Variants in RIMS2 observed in about 807,000 individuals in gnomAD.
RIMS2 encodes regulating synaptic membrane exocytosis protein 2.
RIMS2 carries 59 observed loss-of-function variants against 174.4 expected under a neutral mutation model. The observed-to-expected ratio is 0.34, with a 90% confidence interval of 0.27 to 0.42. RIMS2 has a LOEUF of 0.42. Among genes scored for constraint, RIMS2 ranks in the 10% least tolerant of loss-of-function variants. RIMS2 has a pLI of 1.00. For synonymous variants in RIMS2, 606 were observed against 572.5 expected (o/e 1.06, Z -0.84); for missense variants, 1,620 against 1,666.3 (o/e 0.97, Z 0.48).
chr8:103,732,609 A>G (rs942325360), intron 2 of RIMS2, among the ~76,000 whole-genome samples: 6 of 152,094 alleles, frequency 3.9e-5, no homozygotes, highest in Non-Finnish European at 8.8e-5. Flanking sequence ...GGAACCCTTG[A>G]AATCTACCTG....
intron 1 of RIMS2, among the ~76,000 whole-genome samples, chr8:103,565,154 C>A (rs1309848353): frequency 1.3e-5 from 2 of 152,150 alleles, no homozygotes; most frequent in African/African-American, 2.4e-5. Flanking sequence ...CTACATAGCA[C>A]CTGTGCCCTG....
At chr8:104,163,272 A>G (rs1353746788) in intron 19 of RIMS2, among the ~76,000 whole-genome samples, 3 of 152,190 alleles carry the variant, frequency 2.0e-5, no homozygotes, top group African/African-American at 7.2e-5. Flanking sequence ...ATTCACTGCC[A>G]TATAAACTTT....
intron 3 of RIMS2, among the ~76,000 whole-genome samples, chr8:103,771,808 A>G (rs1454156688): frequency 6.6e-6 from 1 of 152,116 alleles, no homozygotes; most frequent in Non-Finnish European, 1.5e-5. Context: ...TTAATGCAGG[A>G]TTATCTCCAT....
At chr8:103,505,972 A>T (rs1264590513) in intron 1 of RIMS2, among the ~76,000 whole-genome samples, 7 of 152,044 alleles carry the variant, frequency 4.6e-5, no homozygotes, top group Non-Finnish European at 1.0e-4. Flanking sequence ...GTCACGATTT[A>T]AAAAAATTGA....
intron 1 of RIMS2, among the ~76,000 whole-genome samples, chr8:103,578,006 T>C (rs941309729): frequency 6.6e-6 from 1 of 152,124 alleles, no homozygotes; most frequent in Non-Finnish European, 1.5e-5. Flanking sequence ...AAATCTAAGA[T>C]TTATTGATGT....
At chr8:103,707,925 C>A (rs949048972) in intron 2 of RIMS2, among the ~76,000 whole-genome samples, 1 of 152,180 alleles carries the variant, frequency 6.6e-6, no homozygotes, top group Admixed American at 6.5e-5. Context: ...CAACTGGGAG[C>A]TTTGGGATCC....
chr8:103,502,274 T>A (rs969374421), intron 1 of RIMS2, among the ~76,000 whole-genome samples: 1 of 152,196 alleles, frequency 6.6e-6, no homozygotes, highest in Non-Finnish European at 1.5e-5. Context: ...TAGTAGTCTT[T>A]CATGTACTAA....
At chr8:103,671,560 C>T (rs545960385) in intron 1 of RIMS2, among the ~76,000 whole-genome samples, 2 of 152,268 alleles carry the variant, frequency 1.3e-5, no homozygotes, top group African/African-American at 4.8e-5. Flanking sequence ...ATGGTCCTTT[C>T]TACCCTTTCC....
intron 2 of RIMS2, among the ~76,000 whole-genome samples, chr8:103,759,564 CAAAAAAAAAAAAA>C (rs35946104): frequency 4.3e-5 from 3 of 70,020 alleles, no homozygotes; most frequent in Middle Eastern, 7.1e-3. Flanking sequence ...GACTCCGTCT[CAAAAAAAAAAAAA>C]AAAAAAAAAA....
At chr8:104,044,692 A>G (rs1467199560) in intron 19 of RIMS2, among the ~76,000 whole-genome samples, 1 of 151,748 alleles carries the variant, frequency 6.6e-6, no homozygotes, top group Admixed American at 6.6e-5. Flanking sequence ...AATGGTAGCT[A>G]TAGATCTATA....
At position 104,251,854 on chromosome 8, in the gene RIMS2, C is replaced by T. The variant is rs370269591; in HGVS notation, c.*34C>T. ...AAAAAATTGTTGTCACAGCAACCAG[C>T]GTTACAAAAAAAAAAAAAAAAATCA... On this transcript the variant is annotated 3_prime_UTR_variant, in exon 24 of 24. Coordinates refer to ENST00000504942, the Ensembl canonical transcript of RIMS2. 4.7e-5 allele frequency: 39 copies of T among 837,700 alleles called. 1 individual carries two copies. The African/African-American group carries it at 6.7e-4, about 14-fold the overall frequency. 51.9% of individuals were successfully genotyped at this position (837,700 alleles called of 1,614,324 possible). A position where few individuals can be genotyped will look rare whatever the true frequency, so the allele number is the denominator to read the frequency against.
chr8:104,021,865 G>A (rs979115232), intron 19 of RIMS2, among the ~76,000 whole-genome samples: 1 of 152,134 alleles, frequency 6.6e-6, no homozygotes, highest in Non-Finnish European at 1.5e-5. Context: ...AGAGATTAAG[G>A]CTTTTCAAAG....
At chr8:104,069,540 C>T (rs1290636799) in intron 19 of RIMS2, among the ~76,000 whole-genome samples, 1 of 135,512 alleles carries the variant, frequency 7.4e-6, no homozygotes, top group African/African-American at 2.8e-5. Flanking sequence ...GCAATCTTGG[C>T]TCACTGCAAC....
At chr8:103,531,633 T>G (rs1363041625) in intron 1 of RIMS2, among the ~76,000 whole-genome samples, 2 of 152,162 alleles carry the variant, frequency 1.3e-5, no homozygotes, top group African/African-American at 4.8e-5. Flanking sequence ...TTAAATGATT[T>G]TAAAACATCA....
chr8:103,705,148 A>G (rs1382770713), intron 2 of RIMS2, among the ~76,000 whole-genome samples: 1 of 151,942 alleles, frequency 6.6e-6, no homozygotes, highest in East Asian at 1.9e-4. Context: ...TAGTATTTCC[A>G]TTTAAATTTG....
chr8:104,017,163 A>G (rs1184942653), intron 19 of RIMS2, among the ~76,000 whole-genome samples: 1 of 151,936 alleles, frequency 6.6e-6, no homozygotes, highest in Non-Finnish European at 1.5e-5. Flanking sequence ...GATATATAAT[A>G]TCTCTTTTAG....
At chr8:103,595,477 C>T (rs755296985) in intron 1 of RIMS2, among the ~76,000 whole-genome samples, 1 of 151,694 alleles carries the variant, frequency 6.6e-6, no homozygotes, top group Non-Finnish European at 1.5e-5. Context: ...GCCCTGATAT[C>T]TGAACTTGGC....
intron 19 of RIMS2, among the ~76,000 whole-genome samples, chr8:104,218,259 A>C (rs1002735425): frequency 1.3e-5 from 2 of 152,042 alleles, no homozygotes. Flanking sequence ...TCGTTTTTCT[A>C]CTTCTTTTTA....
intron 2 of RIMS2, among the ~76,000 whole-genome samples, chr8:103,706,024 T>TC (rs2097221042): frequency 6.6e-6 from 1 of 151,980 alleles, no homozygotes; most frequent in Non-Finnish European, 1.5e-5. Flanking sequence ...CATTTTTTTT[T>TC]CCTGGTATTA....
Sources: allele counts gnomAD v4.1 joint callset (sites outside exome capture counted in the v4.1 genomes callset), GRCh38; gene constraint gnomAD v4.1.1; transcripts MANE v1.5; gene names NCBI Gene and HGNC (gene_info 2026-07-23, HGNC 2026-07-21).